Variants in SLC25A48 observed in about 807,000 individuals in gnomAD.
SLC25A48 encodes CTC-321K16.1.
Under a neutral mutation model 32.2 loss-of-function variants are expected in SLC25A48, and 29 were observed. The observed-to-expected ratio is 0.90, with a 90% CI of 0.67 to 1.23. The LOEUF is 1.23. Among genes scored for constraint, SLC25A48 ranks in the 50% most tolerant of loss-of-function variants. The pLI, the probability that SLC25A48 is intolerant of heterozygous loss-of-function variation, is 0.00. For missense variants in SLC25A48, 399 were observed against 422.7 expected (o/e 0.94, Z 0.49); for synonymous variants, 164 against 172.3 (o/e 0.95, Z 0.38).
At chr5:135,680,506 G>A (rs959468217) in intron 3 of SLC25A48, among the ~76,000 whole-genome samples, 8 of 152,170 alleles carry the variant, frequency 5.3e-5, no homozygotes, top group African/African-American at 1.9e-4. Context: ...ACCTGAGACT[G>A]GGTAATTTAT....
intron 3 of SLC25A48, among the ~76,000 whole-genome samples, chr5:135,674,113 G>A (rs1753716689): frequency 6.6e-6 from 1 of 152,024 alleles, no homozygotes; most frequent in South Asian, 2.1e-4. Context: ...CTTGCTTACT[G>A]TAGCTTTATT....
intron 3 of SLC25A48, among the ~76,000 whole-genome samples, chr5:135,642,914 C>T (rs1427222939): frequency 6.6e-6 from 1 of 152,194 alleles, no homozygotes; most frequent in African/African-American, 2.4e-5. Flanking sequence ...GGACTAAGCA[C>T]ATCACTTATG....
intron 2 of SLC25A48, among the ~76,000 whole-genome samples, chr5:135,850,116 A>C (rs757918452): frequency 1.3e-5 from 2 of 152,208 alleles, no homozygotes; most frequent in African/African-American, 4.8e-5. Context: ...GACAGACAGC[A>C]GATAGGGTAG....
intron 2 of SLC25A48, among the ~76,000 whole-genome samples, chr5:135,846,217 C>T (rs892081902): frequency 6.6e-6 from 1 of 152,190 alleles, no homozygotes; most frequent in East Asian, 1.9e-4. Context: ...AAAACCATCA[C>T]CCCACCCTGG....
chr5:135,636,247 A>C (rs1561768769), intron 3 of SLC25A48, among the ~76,000 whole-genome samples: 1 of 152,104 alleles, frequency 6.6e-6, no homozygotes, highest in African/African-American at 2.4e-5. Flanking sequence ...TGTGCTGGAC[A>C]CTGTGGGGAA....
At chr5:135,666,236 C>T (rs1249640954) in intron 3 of SLC25A48, among the ~76,000 whole-genome samples, 1 of 152,154 alleles carries the variant, frequency 6.6e-6, no homozygotes, top group Non-Finnish European at 1.5e-5. Context: ...GGGAAACAGC[C>T]CCTACCCCAG....
At chr5:135,846,479 C>T (rs1166197887) in intron 2 of SLC25A48, among the ~76,000 whole-genome samples, 2 of 152,218 alleles carry the variant, frequency 1.3e-5, no homozygotes, top group African/African-American at 4.8e-5. Flanking sequence ...GCATGGCTTG[C>T]TCTGCCAGGT....
chr5:135,752,399 C>T (rs1755791424), intron 3 of SLC25A48, among the ~76,000 whole-genome samples: 1 of 152,152 alleles, frequency 6.6e-6, no homozygotes, highest in Admixed American at 6.5e-5. Context: ...AGTGAAACCC[C>T]TATCTCTACT....
At chr5:135,796,244 G>A (rs577202989) in intron 3 of SLC25A48, among the ~76,000 whole-genome samples, 3 of 151,722 alleles carry the variant, frequency 2.0e-5, no homozygotes, top group South Asian at 2.1e-4. Flanking sequence ...ATATCACGGG[G>A]GGAGTACATC....
At chr5:135,586,767 G>T (rs1751376481) in intron 1 of SLC25A48, among the ~76,000 whole-genome samples, 1 of 152,182 alleles carries the variant, frequency 6.6e-6, no homozygotes, top group Non-Finnish European at 1.5e-5. Context: ...CTGGGCAGGG[G>T]AGGGAAGGGT....
intron 1 of SLC25A48, among the ~76,000 whole-genome samples, chr5:135,621,801 C>CA (rs1346705972): frequency 6.6e-6 from 1 of 152,256 alleles, no homozygotes; most frequent in East Asian, 1.9e-4. Context: ...AGCTCCACCC[C>CA]AGAGTACAGA....
intron 2 of SLC25A48, among the ~76,000 whole-genome samples, chr5:135,843,321 G>A (rs542163359): frequency 1.3e-5 from 2 of 152,136 alleles, no homozygotes; most frequent in East Asian, 3.9e-4. Flanking sequence ...ATATAGGAGG[G>A]GGGTAAGGTG....
chr5:135,886,607 AT>A (rs752286395), intron 7 of SLC25A48, among the ~76,000 whole-genome samples: 14,415 of 46,144 alleles, frequency 0.31, 1,901 homozygotes, highest in Middle Eastern at 0.33. Flanking sequence ...ATATATATAT[AT>A]ATATATATAT....
At chr5:135,761,839 C>T (rs1023494314) in intron 3 of SLC25A48, among the ~76,000 whole-genome samples, 1 of 152,160 alleles carries the variant, frequency 6.6e-6, no homozygotes, top group Non-Finnish European at 1.5e-5. Context: ...GATCCTGCGC[C>T]CCCCACTTGG....
chr5:135,853,894 A>G (rs989424917), intron 4 of SLC25A48, among the ~76,000 whole-genome samples: 1 of 152,224 alleles, frequency 6.6e-6, no homozygotes, highest in Non-Finnish European at 1.5e-5. Context: ...ATACTTCTTA[A>G]GTAACAAGAC....
At chr5:135,690,568 GC>G (rs893219260) in intron 3 of SLC25A48, among the ~76,000 whole-genome samples, 6 of 152,166 alleles carry the variant, frequency 3.9e-5, no homozygotes, top group African/African-American at 1.2e-4. Flanking sequence ...ATGATTTGCA[GC>G]CCCCACCTGT....
At chr5:135,693,911 G>A (rs1754206292) in intron 3 of SLC25A48, among the ~76,000 whole-genome samples, 1 of 152,196 alleles carries the variant, frequency 6.6e-6, no homozygotes, top group Admixed American at 6.5e-5. Flanking sequence ...AAGCCTCTCA[G>A]ACTCTTTGTT....
intron 1 of SLC25A48, chr5:135,835,244 G>A (rs1040296903): frequency 9.7e-6 from 5 of 517,952 alleles, no homozygotes; most frequent in Non-Finnish European, 1.9e-5. Context: ...CTGAATTGCG[G>A]ACGTGGCTCG....
At chr5:135,680,480 A>G (rs1002505033) in intron 3 of SLC25A48, among the ~76,000 whole-genome samples, 7 of 152,192 alleles carry the variant, frequency 4.6e-5, no homozygotes, top group Non-Finnish European at 1.0e-4. Context: ...CTGTTTTCAT[A>G]CTGCTTTGAA....
Sources: allele counts gnomAD v4.1 joint callset (sites outside exome capture counted in the v4.1 genomes callset), GRCh38; gene constraint gnomAD v4.1.1; transcripts MANE v1.5; gene names NCBI Gene and HGNC (gene_info 2026-07-23, HGNC 2026-07-21).